The following OR6N1 variants were observed in gnomAD, a reference collection of about 807,000 sequenced individuals.
The protein encoded by OR6N1 is olfactory receptor family 6 subfamily N member 1, also known as olfactory receptor 6N1.
For synonymous variants in OR6N1, 170 were observed against 150.7 expected, an observed-to-expected ratio of 1.13 and a Z score of -0.94; for missense variants, 394 against 371.7, an observed-to-expected ratio of 1.06 and a Z score of -0.49.
At chr1:158,776,971 A>G (rs759880571), upstream of OR6N1, 17 of 1,614,072 alleles carry the variant, frequency 1.1e-5, no homozygotes, top group Middle Eastern at 1.6e-4. Context: ...CACAGCCCCA[A>G]TGATCCTTGC....
At chr1:158,827,089 TA>T in the OR6N1 span, among the ~76,000 whole-genome samples, 5 of 152,198 alleles carry the variant, frequency 3.3e-5, no homozygotes, top group African/African-American at 1.2e-4. Flanking sequence ...TTAAATGATT[TA>T]AAAAGTAGGA....
At chr1:158,822,391 G>A in the OR6N1 span, among the ~76,000 whole-genome samples, 1 of 152,110 alleles carries the variant, frequency 6.6e-6, no homozygotes, top group Non-Finnish European at 1.5e-5. Flanking sequence ...GTAGTGCTTT[G>A]TAATTCATAT....
chr1:158,816,820 A>T, the OR6N1 span, among the ~76,000 whole-genome samples: 2 of 152,244 alleles, frequency 1.3e-5, no homozygotes, highest in Non-Finnish European at 2.9e-5. Context: ...CCTAGTTCAG[A>T]TCCTACTTTC....
At chr1:158,787,635 T>TCTCTCTCACACA in the OR6N1 span, among the ~76,000 whole-genome samples, 465 of 134,278 alleles carry the variant, frequency 3.5e-3, 7 homozygotes, top group Middle Eastern at 0.015. Context: ...TCTCTCTCTC[T>TCTCTCTCACACA]CACACACACA....
At chr1:158,831,485 C>G in the OR6N1 span, 1 of 152,158 alleles carries the variant, frequency 6.6e-6, no homozygotes, top group Admixed American at 6.5e-5. Context: ...GCTTTACGGA[C>G]AGTGATTCTG....
chr1:158,836,784 A>G, the OR6N1 span, among the ~76,000 whole-genome samples: 1 of 150,374 alleles, frequency 6.7e-6, no homozygotes, highest in South Asian at 2.1e-4. Flanking sequence ...TACTTTTTTA[A>G]GTTCCTTATG....
At chr1:158,779,655 A>C in the OR6N1 span, among the ~76,000 whole-genome samples, 1 of 152,158 alleles carries the variant, frequency 6.6e-6, no homozygotes, top group Non-Finnish European at 1.5e-5. Context: ...TCACCTCTCC[A>C]ATTACAGGAG....
the OR6N1 span, among the ~76,000 whole-genome samples, chr1:158,789,753 A>G: frequency 1.3e-5 from 2 of 152,188 alleles, no homozygotes; most frequent in Non-Finnish European, 2.9e-5. Context: ...TGTCAGATAG[A>G]TAGTTTGCAA....
the OR6N1 span, among the ~76,000 whole-genome samples, chr1:158,807,560 A>G: frequency 6.6e-6 from 1 of 152,196 alleles, no homozygotes; most frequent in Non-Finnish European, 1.5e-5. Context: ...TTTTTTCTCC[A>G]TCAAACTACA....
At chr1:158,829,750 C>A in the OR6N1 span, among the ~76,000 whole-genome samples, 1 of 152,126 alleles carries the variant, frequency 6.6e-6, no homozygotes, top group Non-Finnish European at 1.5e-5. Flanking sequence ...TGTTTTCATG[C>A]TGTTGATAAA....
At chr1:158,822,925 C>T in the OR6N1 span, among the ~76,000 whole-genome samples, 1 of 152,038 alleles carries the variant, frequency 6.6e-6, no homozygotes, top group Admixed American at 6.6e-5. Context: ...TGAACAGATG[C>T]TGAATTTTAT....
the OR6N1 span, among the ~76,000 whole-genome samples, chr1:158,827,340 A>G: frequency 6.6e-6 from 1 of 152,202 alleles, no homozygotes; most frequent in Non-Finnish European, 1.5e-5. Context: ...TTCTATTTAG[A>G]CACCAGTGGC....
the OR6N1 span, among the ~76,000 whole-genome samples, chr1:158,824,331 C>G: frequency 6.6e-6 from 1 of 152,104 alleles, no homozygotes; most frequent in Non-Finnish European, 1.5e-5. Context: ...GATTGTGAGG[C>G]CTCCCCAGCC....
the OR6N1 span, among the ~76,000 whole-genome samples, chr1:158,784,591 A>G: frequency 6.6e-6 from 1 of 152,022 alleles, no homozygotes; most frequent in Admixed American, 6.6e-5. Context: ...TTTCTTCTCT[A>G]GTCTCTGGTA....
the OR6N1 span, among the ~76,000 whole-genome samples, chr1:158,800,862 T>C: frequency 6.6e-6 from 1 of 152,232 alleles, no homozygotes; most frequent in African/African-American, 2.4e-5. Flanking sequence ...TATGGCTATG[T>C]TATCCTCAGA....
chr1:158,776,951 T>C, upstream of OR6N1: 1 of 1,614,124 alleles, frequency 6.2e-7, no homozygotes, highest in Non-Finnish European at 8.5e-7. Flanking sequence ...GATGCTGTTT[T>C]TATCTTCAGC....
chr1:158,769,282 A>G (rs1657353081), intron 1 of OR6N1, among the ~76,000 whole-genome samples: 1 of 151,682 alleles, frequency 6.6e-6, no homozygotes, highest in African/African-American at 2.4e-5. Flanking sequence ...TCCCACCTCC[A>G]CCCCACAAGT....
the OR6N1 span, among the ~76,000 whole-genome samples, chr1:158,819,988 A>C: frequency 6.6e-6 from 1 of 152,240 alleles, no homozygotes; most frequent in African/African-American, 2.4e-5. Flanking sequence ...CAGAGCTGAC[A>C]GCCATGAACA....
chr1:158,792,825 T>C, the OR6N1 span, among the ~76,000 whole-genome samples: 1 of 152,226 alleles, frequency 6.6e-6, no homozygotes, highest in Non-Finnish European at 1.5e-5. Context: ...CATCTAAATC[T>C]CTAGCAAGGC....
Sources: gnomAD v4.1 joint callset for allele counts (sites outside exome capture counted in the v4.1 genomes callset) on GRCh38, gnomAD v4.1.1 for gene constraint, MANE v1.5 for transcripts, NCBI Gene and HGNC (gene_info 2026-07-23, HGNC 2026-07-21) for gene names.